The following ENDOV variants were observed in gnomAD, a reference collection of about 807,000 sequenced individuals.
The protein encoded by ENDOV is endonuclease V, also known as hEndoV.
A neutral mutation model predicts 39.4 loss-of-function variants in ENDOV; 37 were observed. The ratio of observed to expected loss-of-function variants is 0.94; its 90% confidence interval spans 0.72 to 1.23. ENDOV has a LOEUF of 1.23. Among genes scored for constraint, ENDOV ranks in the 50% most tolerant of loss-of-function variants. ENDOV has a pLI of 0.00. For synonymous variants in ENDOV, 186 were observed against 163.4 expected, an observed-to-expected ratio of 1.14 and a Z score of -1.05; for missense variants, 441 against 375.7, an observed-to-expected ratio of 1.17 and a Z score of -1.44.
chr17:80,425,466 G>T, intron 6 of ENDOV, 26 bp from the exon 7 acceptor site: 2 of 1,584,236 alleles, frequency 1.3e-6, no homozygotes, highest in Non-Finnish European at 1.7e-6. Flanking sequence ...CAGCCCACAG[G>T]ACAGCCCTCG....
intron 7 of ENDOV, among the ~76,000 whole-genome samples, chr17:80,426,865 G>A (rs898611867): frequency 2.4e-4 from 37 of 152,220 alleles, no homozygotes; most frequent in Non-Finnish European, 4.9e-4. Context: ...GGCTGTGGAC[G>A]CAGGTCTGCA....
chr17:80,423,591 C>T lies in ENDOV; in HGVS notation c.475C>T (p.Gln159Ter), dbSNP rs569079997. ...PCVGVAKKLL[Q>*]VDGLENNALH... ...TGTTGGGGTGGCCAAGAAACTTCTGCAGGTGGATGGGCTGGAGAACAACGC... is the reference window on the plus strand; with the variant it reads ...TGTTGGGGTGGCCAAGAAACTTCTGTAGGTGGATGGGCTGGAGAACAACGC... The change falls in exon 5 of 10, where the codon CAG (glutamine) becomes TAG (stop). Residue 159 changes from glutamine (Q) to a stop codon, truncating the protein, a stop_gained. Coordinates refer to ENST00000518137, the MANE Select transcript of ENDOV (RefSeq NM_173627.5). LOFTEE classifies it high-confidence loss of function. 31 of 1,556,080 alleles carry T rather than the reference C, an allele frequency of 2.0e-5. No individual in the cohort carries two copies. Among genetic ancestry groups the T allele is most frequent in the Non-Finnish European group, 2.4e-5 (28 of 1,150,340 alleles).
intron 9 of ENDOV, 133 bp downstream of exon 9, chr17:80,429,964 A>T: frequency 1.9e-6 from 3 of 1,556,314 alleles, no homozygotes; most frequent in Non-Finnish European, 2.6e-6. Context: ...GCCACCGGCC[A>T]CCCCGTTCTG....
intron 9 of ENDOV, among the ~76,000 whole-genome samples, chr17:80,433,610 T>C (rs1328153381): frequency 6.6e-6 from 1 of 152,190 alleles, no homozygotes; most frequent in Non-Finnish European, 1.5e-5. Context: ...GCCGGGAGAC[T>C]CAGAAGAAAT....
intron 6 of ENDOV, 93 bp from the exon 7 acceptor site, chr17:80,425,399 G>A: frequency 6.7e-7 from 1 of 1,500,172 alleles, no homozygotes; most frequent in Non-Finnish European, 8.9e-7. Context: ...CTTGCCCCCA[G>A]GACATTTTGT....
At chr17:80,419,645 C>T in intron 2 of ENDOV, 1 of 702,940 alleles carries the variant, frequency 1.4e-6, no homozygotes, top group Non-Finnish European at 2.6e-6. Flanking sequence ...GTCAGCCCTT[C>T]TGCTGCTGGA....
chr17:80,434,876 G>A (rs1055188579), intron 9 of ENDOV, among the ~76,000 whole-genome samples: 23 of 149,354 alleles, frequency 1.5e-4, no homozygotes, highest in African/African-American at 5.9e-4. Flanking sequence ...AGCCCAGGAG[G>A]TTGAGGTTGC....
At chr17:80,429,559 G>A (rs990850309) in intron 8 of ENDOV, among the ~76,000 whole-genome samples, 5 of 152,196 alleles carry the variant, frequency 3.3e-5, no homozygotes, top group African/African-American at 1.2e-4. Context: ...AGCAGGTGGC[G>A]GGGACCCCCC....
chr17:80,415,545 G>A, intron 1 of ENDOV, 105 bp from the exon 2 acceptor site: 1 of 1,387,130 alleles, frequency 7.2e-7, no homozygotes, highest in Non-Finnish European at 9.8e-7. Flanking sequence ...CCCTTGAAGC[G>A]GGAGAAGACC....
intron 2 of ENDOV, chr17:80,419,278 T>C: frequency 2.8e-6 from 1 of 353,118 alleles, no homozygotes; most frequent in Non-Finnish European, 5.2e-6. Flanking sequence ...AGCTTTCCTG[T>C]GATTCTGAAG....
At chr17:80,428,764 G>C in intron 8 of ENDOV, 104 bp downstream of exon 8, 2 of 1,169,632 alleles carry the variant, frequency 1.7e-6, no homozygotes, top group South Asian at 2.8e-5. Flanking sequence ...TTGTGGCTCA[G>C]GACAGACAGT....
rs1354622074 is a variant in ENDOV at position 80,415,250 on chromosome 17, G to C, written c.56G>C (p.Arg19Pro). 3.1e-6 allele frequency: 5 copies of C among 1,613,304 alleles called. No individual in the cohort carries two copies. The African/African-American group carries it at 5.3e-5, about 17-fold the overall frequency. The change falls in exon 1 of 10, where the codon CGG becomes CCG. Residue 19 changes from arginine (R) to proline (P), a missense_variant and splice_region_variant. Coordinates refer to ENST00000518137, the MANE Select transcript of ENDOV (RefSeq NM_173627.5). ...GAGGAAACGCTGTCACTGTGGAAAC[G>C]GTAATGCTGTCAGGCGACGCGCAGG... ...PPEETLSLWK[R>P]EQARLKAHVV...
chr17:80,423,615 G>C lies in ENDOV; in HGVS notation c.499G>C (p.Ala167Pro), dbSNP rs900294768. The C allele has an allele frequency of 6.4e-7, 1 of 1,552,588 alleles. No individual in the cohort carries two copies. The highest frequency in any genetic ancestry group is 8.7e-7 in the Non-Finnish European group (1 of 1,148,722). Residue 167 changes from alanine to proline, a missense_variant, in exon 5 of 10, where the codon GCC (alanine) becomes CCC (proline). Transcript: ENST00000518137. ...GCAGGTGGATGGGCTGGAGAACAAC[G>C]CCCTGCACAAGGAGAAGGTGAGGAG... ...LLQVDGLENN[A>P]LHKEKIRLLQ...
At chr17:80,426,945 C>T (rs1413707758) in intron 7 of ENDOV, among the ~76,000 whole-genome samples, 1 of 152,268 alleles carries the variant, frequency 6.6e-6, no homozygotes, top group Non-Finnish European at 1.5e-5. Flanking sequence ...CATCTTACCC[C>T]ACCGCTTGCC....
chr17:80,415,180 G>T lies in ENDOV; in HGVS notation c.-15G>T, dbSNP rs1157209678. On this transcript the variant is annotated 5_prime_UTR_variant, in exon 1 of 10. Coordinates refer to ENST00000518137, the MANE Select transcript of ENDOV (RefSeq NM_173627.5). The stretch of plus-strand genomic sequence containing the variant: ...TCCGGAAGTGACGTGCGGAAGGGGT[G>T]CCCGGGACGAAGCCATGGCCCTGGA... The T allele has an allele frequency of 6.2e-7, 1 of 1,612,530 alleles. No individual in the cohort carries two copies.
intron 9 of ENDOV, among the ~76,000 whole-genome samples, chr17:80,435,003 T>G (rs1012691899): frequency 1.3e-5 from 2 of 152,212 alleles, no homozygotes; most frequent in African/African-American, 4.8e-5. Context: ...CTAATGGTGG[T>G]GAGCGCCTTC....
At chr17:80,432,138 G>A (rs1044073966) in intron 9 of ENDOV, among the ~76,000 whole-genome samples, 17 of 152,186 alleles carry the variant, frequency 1.1e-4, no homozygotes, top group Admixed American at 9.8e-4. Context: ...CTGCAGCCGT[G>A]TCCACCTGGA....
At chr17:80,428,527 C>A in intron 7 of ENDOV, 69 bp from the exon 8 acceptor site, 2 of 1,463,844 alleles carry the variant, frequency 1.4e-6, no homozygotes, top group Non-Finnish European at 1.9e-6. Context: ...GCATTGCCAG[C>A]AGCAGCTCCT....
chr17:80,421,183 C>T (rs545800742), intron 2 of ENDOV, among the ~76,000 whole-genome samples: 3 of 151,140 alleles, frequency 2.0e-5, no homozygotes, highest in South Asian at 2.1e-4. Flanking sequence ...GACCAGGTCC[C>T]GGAGGCTCCT....
Sources: allele counts gnomAD v4.1 joint callset (sites outside exome capture counted in the v4.1 genomes callset), GRCh38; gene constraint gnomAD v4.1.1; transcripts MANE v1.5; gene names NCBI Gene and HGNC (gene_info 2026-07-23, HGNC 2026-07-21).